ATG2A: variants seen among roughly 807,000 people sequenced by gnomAD.
The protein encoded by ATG2A is autophagy related 2A, also known as autophagy-related protein 2 homolog A.
Under a neutral mutation model 214.2 loss-of-function variants are expected in ATG2A, and 103 were observed. That is an observed-to-expected ratio of 0.48 (90% CI 0.41 to 0.57). ATG2A has a LOEUF of 0.57. Ranked by LOEUF, ATG2A falls within the 20% of genes least tolerant of loss-of-function variation. The pLI is 0.00. For missense variants in ATG2A, 2,312 were observed against 2,613.2 expected (o/e 0.88, Z 2.51); for synonymous variants, 1,160 against 1,142.1 (o/e 1.02, Z -0.32).
rs1367871784 is a variant in ATG2A at position 64,911,212 on chromosome 11, A to G, written c.1292T>C (p.Leu431Ser). ...AAGCAAGGTCAGGGTCACACCCCCC[A>G]AGGTCATCTTCAGCAGCGAGTCAGG... ...MRPDSLLKMT[L>S]GGVTLTLLQT... is the part of the protein sequence containing the mutation. Residue 431 changes from leucine to serine, a missense_variant, in exon 10 of 41, where the codon TTG becomes TCG. Physicochemically the swap from Leu to Ser is moderately radical, Grantham distance 145. Transcript: ENST00000377264. The G allele has an allele frequency of 6.2e-7, 1 of 1,613,992 alleles. No individual in the cohort carries two copies. The highest frequency in any genetic ancestry group is 1.7e-5 in the Admixed American group (1 of 60,002).
chr11:64,901,908 G>A (rs940567218), intron 29 of ATG2A, 54 bp downstream of exon 29: 173 of 1,589,250 alleles, frequency 1.1e-4, no homozygotes, highest in Non-Finnish European at 1.3e-4. Flanking sequence ...TTCCGTCCCC[G>A]CTCCAAACAC....
chr11:64,898,804 G>A lies in ATG2A; in HGVS notation c.4503C>T (p.Ala1501=). 1 of 1,612,994 alleles carries A rather than the reference G, an allele frequency of 6.2e-7. No individual in the cohort carries two copies. Among genetic ancestry groups the A allele is most frequent in the Non-Finnish European group, 8.5e-7 (1 of 1,179,988 alleles). ...FQHEVYPAEP[A]TGPAAPSQEL... is the part of the protein sequence containing the mutation. Reference sequence around the variant, plus strand: ...CCTGGCTGGGGGCCGCAGGGCCTGTGGCTGGCTCCGCTGGGTACACCTCGT... The same window carrying A: ...CCTGGCTGGGGGCCGCAGGGCCTGTAGCTGGCTCCGCTGGGTACACCTCGT... The change falls in exon 32 of 41, where the codon GCC becomes GCT. Residue 1501 remains alanine, a synonymous_variant. Coordinates refer to ENST00000377264, the MANE Select transcript of ATG2A (RefSeq NM_015104.3). The surrounding 1 kb of genome is among the most constrained non-coding windows in gnomAD (Gnocchi z 4.5).
intron 26 of ATG2A, 102 bp from the exon 27 acceptor site, chr11:64,902,782 C>T: frequency 9.6e-7 from 1 of 1,038,882 alleles, no homozygotes; most frequent in East Asian, 2.5e-5. Context: ...GATCCTGCCA[C>T]AGGCAGAACA....
In ATG2A at chr11:64,898,063, C is replaced by T. The variant is rs1269332907; in HGVS notation, c.4858+23G>A. Reference sequence around the variant, plus strand: ...TGGGAGGCAGAAGGCCCAGACGCTCCCCTCCCTGGCCCAGCCTCTCACCCT... The same window carrying T: ...TGGGAGGCAGAAGGCCCAGACGCTCTCCTCCCTGGCCCAGCCTCTCACCCT... On this transcript the variant is annotated intron_variant, in intron 34 of 40. Transcript: ENST00000377264. This position sits in a 1 kb window ranked among gnomAD's most constrained non-coding sequence, Gnocchi z 4.5. 3 of 1,612,804 alleles carry T rather than the reference C, an allele frequency of 1.9e-6. No individual in the cohort carries two copies. Among genetic ancestry groups the T allele is most frequent in the African/African-American group, 2.7e-5 (2 of 74,904 alleles).
chr11:64,895,501 GC>G lies in ATG2A; in HGVS notation c.5428-60del. On this transcript the variant is annotated intron_variant, in intron 39 of 40. Transcript: ENST00000377264. The surrounding 1 kb of genome is among the most constrained non-coding windows in gnomAD (Gnocchi z 5.0). ...TGGCTGGGGCACACGTCAGCCCCAG[GC>G]CCCCAGGACAGTCTGAGACCCCACC... 1 of 1,470,494 alleles carries G rather than the reference GC, an allele frequency of 6.8e-7. No individual in the cohort carries two copies. The allele number at this position is 1,470,494 out of a possible 1,614,324, so 91.1% of individuals were successfully genotyped here. A position where few individuals can be genotyped will look rare whatever the true frequency, so the allele number is the denominator to read the frequency against.
chr11:64,914,282 G>A (rs1267531765), intron 2 of ATG2A, 49 bp from the exon 3 acceptor site: 2 of 1,554,242 alleles, frequency 1.3e-6, no homozygotes, highest in Non-Finnish European at 1.7e-6. Flanking sequence ...GTCAGGTCCT[G>A]GACGCCCCAG....
In ATG2A at chr11:64,897,754, G is replaced by A. The variant is rs758182676; in HGVS notation, c.4995-11C>T. On this transcript the variant is annotated splice_polypyrimidine_tract_variant and intron_variant, in intron 35 of 40. Transcript: ENST00000377264. ...GTGAAGCGGAACTCTCTGGGTAGGG[G>A]AGCAGGAAGAGGGGGTTCTTTGCTC... 6 of 1,614,234 alleles carry A rather than the reference G, an allele frequency of 3.7e-6. No homozygotes were observed. The Admixed American group carries it at 6.7e-5, about 18-fold the overall frequency.
rs1169298299 is a variant in ATG2A, at chr11:64,906,137, C to A, written c.3240G>T (p.Leu1080=). Residue 1080 remains leucine (L), a synonymous_variant, in exon 22 of 41, where the codon CTG becomes CTT. Coordinates refer to ENST00000377264, the MANE Select transcript of ATG2A (RefSeq NM_015104.3). The stretch of plus-strand genomic sequence containing the variant: ...CCTGGGAATGCCAGCTCTGCTCGGG[C>A]AGGGCCATGTAGTGGCGCAAGGTGG... ...HKATLRHYMA[L]PEQSWHSQLL... The A allele has an allele frequency of 6.3e-7, 1 of 1,594,370 alleles. No individual in the cohort carries two copies. The highest frequency in any genetic ancestry group is 1.8e-5 in the Admixed American group (1 of 56,630).
rs536644755 is a variant in ATG2A at position 64,895,332 on chromosome 11, G to A, written c.5538C>T (p.Asp1846=). 1.3e-4 allele frequency: 217 copies of A among 1,613,406 alleles called. 1 individual carries two copies. The South Asian group carries it at 2.2e-3, about 17-fold the overall frequency. ...RRLRRGQQPA[D]LREGVAKAYD... ...AGGCCTTGGCCACACCCTCCCGCAG[G>A]TCGGCAGGCTGCTGGCCCCTGCGCA... Residue 1846 remains aspartate, a synonymous_variant, in exon 40 of 41, where the codon GAC becomes GAT. Coordinates refer to ENST00000377264, the MANE Select transcript of ATG2A (RefSeq NM_015104.3). This position sits in a 1 kb window ranked among gnomAD's most constrained non-coding sequence, Gnocchi z 5.0.
rs781238538 is a variant in ATG2A at position 64,907,582 on chromosome 11, C to T, written c.2590G>A (p.Gly864Ser). The change falls in exon 18 of 41, where the codon GGC (glycine) becomes AGC (serine). Residue 864 changes from glycine to serine, a missense_variant. By Grantham distance (56) the Gly-to-Ser change is moderately conservative. Coordinates refer to ENST00000377264, the MANE Select transcript of ATG2A (RefSeq NM_015104.3). ...CTGTCGTGCCAGAAGCCTGAGGGGC[C>T]GGGGAAGCCCGAGGGCTGGGCGGCG... ...DPAAQPSGFP[G>S]PSGFWHDSFK... 6.6e-5 allele frequency: 106 copies of T among 1,595,152 alleles called. 1 individual carries two copies. Among genetic ancestry groups the T allele is most frequent in the Non-Finnish European group, 7.3e-5 (85 of 1,172,236 alleles).
chr11:64,903,037 C>G lies in ATG2A; in HGVS notation c.3612+251G>C, dbSNP rs957892101. Among the ~76,000 whole-genome samples the G allele has an allele frequency of 3.9e-5, 6 of 152,260 alleles. No homozygotes were observed. The South Asian group carries it at 6.2e-4, about 16-fold the overall frequency. On this transcript the variant is annotated intron_variant, in intron 26 of 40. Transcript: ENST00000377264. The surrounding 1 kb of genome is among the most constrained non-coding windows in gnomAD (Gnocchi z 4.2). ...AAGGTGGCTGATTCCCAGGGCCTCGCTGGTGCCCTGGCTGCCGCGTCCTCT... is the reference window on the plus strand; with the variant it reads ...AAGGTGGCTGATTCCCAGGGCCTCGGTGGTGCCCTGGCTGCCGCGTCCTCT...
At position 64,895,467 on chromosome 11, in the gene ATG2A, G is replaced by A. The variant is rs1363372576; in HGVS notation, c.5428-25C>T. ...CCTGGGGGACATGGGAGCACTGGAT[G>A]AGGACAGCTGGCTGGGGCACACGTC... On this transcript the variant is annotated intron_variant, in intron 39 of 40. Coordinates refer to ENST00000377264, the MANE Select transcript of ATG2A (RefSeq NM_015104.3). The surrounding 1 kb of genome is among the most constrained non-coding windows in gnomAD (Gnocchi z 5.0). 2.0e-6 allele frequency: 3 copies of A among 1,524,088 alleles called. No homozygotes were observed. The highest frequency in any genetic ancestry group is 2.6e-6 in the Non-Finnish European group (3 of 1,132,322). 94.4% of individuals were successfully genotyped at this position (1,524,088 alleles called of 1,614,324 possible). A position where few individuals can be genotyped will look rare whatever the true frequency, so the allele number is the denominator to read the frequency against.
chr11:64,910,125 G>A lies in ATG2A; in HGVS notation c.1778C>T (p.Ala593Val), dbSNP rs773926802. Residue 593 changes from alanine to valine, a missense_variant, in exon 13 of 41, where the codon GCG becomes GTG. Coordinates refer to ENST00000377264, the MANE Select transcript of ATG2A (RefSeq NM_015104.3). ...ELALDLANFQ[A>V]DVELGALDRL... ...GTCCAGGGCCCCCAGCTCCACGTCCGCCTGGAAGTTGGCCAGGTCCAGGGC... is the reference window on the plus strand; with the variant it reads ...GTCCAGGGCCCCCAGCTCCACGTCCACCTGGAAGTTGGCCAGGTCCAGGGC... The A allele has an allele frequency of 7.4e-6, 12 of 1,611,798 alleles. No homozygotes were observed. The highest frequency in any genetic ancestry group is 5.3e-5 in the African/African-American group (4 of 74,932).
Position 64,903,981 on chromosome 11 carries a change from C to T in ATG2A, c.3465-321G>A, listed in dbSNP as rs1944450749. 2.0e-5 allele frequency among the ~76,000 whole-genome samples: 3 copies of T among 152,348 alleles called. No homozygotes were observed. In the South Asian group the frequency reaches 6.2e-4, roughly 32 times the overall value. On this transcript the variant is annotated intron_variant, in intron 24 of 40. Coordinates refer to ENST00000377264, the MANE Select transcript of ATG2A (RefSeq NM_015104.3). The surrounding 1 kb of genome is among the most constrained non-coding windows in gnomAD (Gnocchi z 4.2). ...CTTATTTTTGGCTGGCGCGGTGGCT[C>T]ACGCCTGTAATCCCAGCACTTGGAG...
chr11:64,897,990 TCA>T lies in ATG2A; in HGVS notation c.4859-18_4859-17del. 6.4e-7 allele frequency: 1 copy of T among 1,554,270 alleles called. No individual in the cohort carries two copies. Among genetic ancestry groups the T allele is most frequent in the South Asian group, 1.2e-5 (1 of 83,174 alleles). ...TCGGGGCGAGCTAGGGGAGGGGAGG[TCA>T]CAGACTGGGGATGGGGCCAGGAATG... On this transcript the variant is annotated splice_polypyrimidine_tract_variant and intron_variant, in intron 34 of 40. Coordinates refer to ENST00000377264, the MANE Select transcript of ATG2A (RefSeq NM_015104.3).
At chr11:64,911,374 C>A in intron 9 of ATG2A, 99 bp from the exon 10 acceptor site, 2 of 1,229,786 alleles carry the variant, frequency 1.6e-6, no homozygotes, top group South Asian at 2.7e-5. Context: ...GAGGCCAGGT[C>A]TGCCCCACCA....
Position 64,903,910 on chromosome 11 carries a change from G to A in ATG2A, c.3465-250C>T, listed in dbSNP as rs532385226. On this transcript the variant is annotated intron_variant, in intron 24 of 40. Transcript: ENST00000377264. This position sits in a 1 kb window ranked among gnomAD's most constrained non-coding sequence, Gnocchi z 4.2. ...CCTCATGACAGTCCTGGGAAGGGGTGTCCATTTTTCTCCCTGCTGCATTTG... is the reference window on the plus strand; with the variant it reads ...CCTCATGACAGTCCTGGGAAGGGGTATCCATTTTTCTCCCTGCTGCATTTG... Among the ~76,000 whole-genome samples the A allele has an allele frequency of 2.5e-4, 38 of 152,346 alleles. No individual in the cohort carries two copies. Among genetic ancestry groups the A allele is most frequent in the African/African-American group, 8.7e-4 (36 of 41,596 alleles).
rs535801604 is a variant in ATG2A, at chr11:64,903,696, C to T, written c.3465-36G>A. 55 of 1,538,130 alleles carry T rather than the reference C, an allele frequency of 3.6e-5. No homozygotes were observed. The highest frequency in any genetic ancestry group is 2.0e-4 in the Admixed American group (10 of 50,154). ...ACAGGGCTGAGAAGGGCCCGGGCAC[C>T]GCTGCAGGGGGCAGCTCCACGGGAG... is the stretch of plus-strand genomic sequence containing the variant. On this transcript the variant is annotated intron_variant, in intron 24 of 40. Coordinates refer to ENST00000377264, the MANE Select transcript of ATG2A (RefSeq NM_015104.3). The surrounding 1 kb of genome is among the most constrained non-coding windows in gnomAD (Gnocchi z 4.2).
Position 64,895,347 on chromosome 11 carries a change from G to A in ATG2A, c.5523C>T (p.Gly1841=). 5.0e-6 allele frequency: 8 copies of A among 1,613,242 alleles called. No individual in the cohort carries two copies. Among genetic ancestry groups the A allele is most frequent in the Non-Finnish European group, 6.8e-6 (8 of 1,179,850 alleles). Reference sequence around the variant, plus strand: ...CCTCCCGCAGGTCGGCAGGCTGCTGGCCCCTGCGCAGCCTCCGCGCAGAGC... The same window carrying A: ...CCTCCCGCAGGTCGGCAGGCTGCTGACCCCTGCGCAGCCTCCGCGCAGAGC... The part of the protein sequence containing the change: ...DKRSARRLRR[G]QQPADLREGV... Residue 1841 remains glycine (G), a synonymous_variant, in exon 40 of 41, where the codon GGC becomes GGT. Transcript: ENST00000377264. This position sits in a 1 kb window ranked among gnomAD's most constrained non-coding sequence, Gnocchi z 5.0.
Sources: allele counts gnomAD v4.1 joint callset (sites outside exome capture counted in the v4.1 genomes callset), GRCh38; gene constraint gnomAD v4.1.1; non-coding constraint Gnocchi (gnomAD v3.1); transcripts MANE v1.5; gene names NCBI Gene and HGNC (gene_info 2026-07-23, HGNC 2026-07-21).